The following MECOM variants were observed in gnomAD, a reference collection of about 807,000 sequenced individuals.
MECOM encodes the protein histone-lysine N-methyltransferase MECOM.
MECOM carries 13 observed loss-of-function variants against 116.3 expected under a neutral mutation model. The ratio of observed to expected loss-of-function variants is 0.11; its 90% CI spans 0.07 to 0.18. The LOEUF is 0.18. Among genes scored for constraint, MECOM ranks in the 10% least tolerant of loss-of-function variants. MECOM has a pLI of 1.00. For synonymous variants in MECOM, 528 were observed against 535.2 expected (o/e 0.99, Z 0.19); for missense variants, 1,299 against 1,509.0 (o/e 0.86, Z 2.31).
chr3:169,618,050 C>T (rs2109870200), intron 1 of MECOM, among the ~76,000 whole-genome samples: 1 of 152,340 alleles, frequency 6.6e-6, no homozygotes, highest in Non-Finnish European at 1.5e-5. Flanking sequence ...TTCTTCCTCT[C>T]CTCCTTAAGC....
chr3:169,327,653 A>AG (rs1321051525), intron 2 of MECOM, among the ~76,000 whole-genome samples: 1 of 151,978 alleles, frequency 6.6e-6, no homozygotes, highest in African/African-American at 2.4e-5. Flanking sequence ...AAAAAAAAAA[A>AG]AAAAGAAAAA....
chr3:169,493,360 T>C lies in MECOM; in HGVS notation c.38-111836A>G, dbSNP rs552625075. ...TTCAAAAGGAATAATGAAGCTTTAA[T>C]CTCTTGCAAAACCTGTATGGTTCTT... On this transcript the variant is annotated intron_variant, in intron 1 of 16. Coordinates refer to ENST00000651503, the MANE Select transcript of MECOM (RefSeq NM_004991.4). 5.9e-5 allele frequency among the ~76,000 whole-genome samples: 9 copies of C among 152,250 alleles called. No homozygotes were observed. The South Asian group carries it at 1.7e-3, about 28-fold the overall frequency.
intron 1 of MECOM, among the ~76,000 whole-genome samples, chr3:169,570,051 G>T (rs1487523933): frequency 1.3e-5 from 2 of 152,074 alleles, no homozygotes; most frequent in Admixed American, 1.3e-4. Context: ...CCAGGAGTTG[G>T]TTTTTTGAAA....
At chr3:169,500,901 T>G (rs1354892245) in intron 1 of MECOM, among the ~76,000 whole-genome samples, 2 of 151,916 alleles carry the variant, frequency 1.3e-5, no homozygotes, top group Non-Finnish European at 2.9e-5. Flanking sequence ...GTTAAAACAA[T>G]AAAGTCTCAA....
chr3:169,235,182 T>C (rs1168983195), intron 2 of MECOM, among the ~76,000 whole-genome samples: 1 of 152,214 alleles, frequency 6.6e-6, no homozygotes, highest in Non-Finnish European at 1.5e-5. Context: ...CAATGTGATT[T>C]TTACTTGTAA....
chr3:169,571,947 A>G (rs1461012739), intron 1 of MECOM, among the ~76,000 whole-genome samples: 1 of 152,246 alleles, frequency 6.6e-6, no homozygotes, highest in Non-Finnish European at 1.5e-5. Flanking sequence ...CTTCATGACT[A>G]AAACATCAAA....
chr3:169,399,842 T>C (rs577481563), intron 1 of MECOM, among the ~76,000 whole-genome samples: 1 of 152,304 alleles, frequency 6.6e-6, no homozygotes, highest in East Asian at 1.9e-4. Context: ...AAGTAAATTG[T>C]TCAAATAGAA....
chr3:169,503,368 A>C (rs1043035297), intron 1 of MECOM, among the ~76,000 whole-genome samples: 5 of 152,206 alleles, frequency 3.3e-5, no homozygotes, highest in Non-Finnish European at 7.4e-5. Context: ...CATAATCAAT[A>C]GAAAAACTAA....
At chr3:169,381,164 G>A (rs866940077) in intron 2 of MECOM, 23 bp downstream of exon 2, 2 of 1,569,078 alleles carry the variant, frequency 1.3e-6, no homozygotes, top group Middle Eastern at 1.7e-4. Context: ...ATATAAATGT[G>A]TTAACTCAAA....
intron 1 of MECOM, among the ~76,000 whole-genome samples, chr3:169,569,621 TAACA>T (rs547215954): frequency 3.3e-5 from 5 of 152,112 alleles, no homozygotes; most frequent in Non-Finnish European, 5.9e-5. Flanking sequence ...ATGGAAATCA[TAACA>T]AACAGTCTCT....
intron 7 of MECOM, among the ~76,000 whole-genome samples, chr3:169,117,385 T>C (rs1216675875): frequency 6.6e-6 from 1 of 152,206 alleles, no homozygotes. Flanking sequence ...TGAGAAAGAC[T>C]GACATAATTT....
chr3:169,661,018 C>T (rs2110136113), intron 1 of MECOM, among the ~76,000 whole-genome samples: 1 of 152,262 alleles, frequency 6.6e-6, no homozygotes, highest in Non-Finnish European at 1.5e-5. Context: ...ATGGGTCTCC[C>T]ACCAGTTGAA....
chr3:169,358,409 T>A (rs577134939), intron 2 of MECOM, among the ~76,000 whole-genome samples: 1 of 151,814 alleles, frequency 6.6e-6, no homozygotes, highest in African/African-American at 2.4e-5. Flanking sequence ...AGACCAGTTT[T>A]CATTACTACA....
At chr3:169,301,692 T>C (rs1232024217) in intron 2 of MECOM, among the ~76,000 whole-genome samples, 4 of 152,236 alleles carry the variant, frequency 2.6e-5, no homozygotes, top group African/African-American at 9.6e-5. Flanking sequence ...GCTTCTGATA[T>C]GTAAAAGATA....
chr3:169,408,064 T>C (rs1736974615), intron 1 of MECOM, among the ~76,000 whole-genome samples: 1 of 152,236 alleles, frequency 6.6e-6, no homozygotes, highest in East Asian at 1.9e-4. Context: ...AATGCCAATA[T>C]TCTGCATATC....
intron 1 of MECOM, among the ~76,000 whole-genome samples, chr3:169,562,325 T>C (rs768510244): frequency 2.8e-4 from 43 of 152,256 alleles, no homozygotes; most frequent in Non-Finnish European, 4.6e-4. Context: ...AGAACTGAGA[T>C]AGATTCATAG....
At chr3:169,322,925 G>C (rs541202910) in intron 2 of MECOM, among the ~76,000 whole-genome samples, 3 of 148,222 alleles carry the variant, frequency 2.0e-5, no homozygotes, top group South Asian at 2.2e-4. Context: ...TTGAACCCGG[G>C]GGGGGCAGAG....
At chr3:169,603,746 G>A (rs1768125846) in intron 1 of MECOM, among the ~76,000 whole-genome samples, 1 of 152,162 alleles carries the variant, frequency 6.6e-6, no homozygotes. Flanking sequence ...GCTTCAATGT[G>A]CAATAGGCTA....
At chr3:169,302,811 C>A (rs1305957408) in intron 2 of MECOM, among the ~76,000 whole-genome samples, 1 of 151,900 alleles carries the variant, frequency 6.6e-6, no homozygotes, top group Non-Finnish European at 1.5e-5. Flanking sequence ...TTGCAATGAG[C>A]CGAGATTGTA....
Sources: allele counts gnomAD v4.1 joint callset (sites outside exome capture counted in the v4.1 genomes callset), GRCh38; gene constraint gnomAD v4.1.1; transcripts MANE v1.5; gene names NCBI Gene and HGNC (gene_info 2026-07-23, HGNC 2026-07-21).